Variants in SLC18A1 observed in about 807,000 individuals in gnomAD.
SLC18A1 encodes solute carrier family 18 member A1.
In SLC18A1, 69 loss-of-function variants were observed where a neutral mutation model predicts 53.7. The observed-to-expected ratio is 1.28, with a 90% confidence interval of 1.06 to 1.57. The LOEUF (loss-of-function observed/expected upper bound fraction) is 1.57. SLC18A1 is among the 40% of genes most tolerant of loss of function. The pLI is 0.00. For synonymous variants in SLC18A1, 320 were observed against 248.1 expected (o/e 1.29, Z -2.72); for missense variants, 932 against 668.1 (o/e 1.40, Z -4.35).
rs570502201 is a variant in SLC18A1, at chr8:20,165,893, C to A, written c.859-786G>T. ...GACATCCTGAACACTATGTCCTAAT[C>A]CTTCATGGTGTTTACTACTTTCTAT... On this transcript the variant is annotated intron_variant, in intron 8 of 15. Coordinates refer to ENST00000276373, the MANE Select transcript of SLC18A1 (RefSeq NM_003053.4). Among the ~76,000 whole-genome samples the A allele has an allele frequency of 2.0e-5, 3 of 152,104 alleles. No individual in the cohort carries two copies. The South Asian group carries it at 6.2e-4, about 32-fold the overall frequency.
Position 20,145,602 on chromosome 8 carries a change from G to C in SLC18A1, c.*161C>G, listed in dbSNP as rs1335505005. ...AGGAAGAGCTACAAGTTACACAGGT[G>C]AGAAGAGTATCAGGGACAGTGTCCA... On this transcript the variant is annotated 3_prime_UTR_variant, in exon 16 of 16. Coordinates refer to ENST00000276373, the MANE Select transcript of SLC18A1 (RefSeq NM_003053.4). 2.1e-6 allele frequency: 1 copy of C among 480,318 alleles called. No individual in the cohort carries two copies. The highest frequency in any genetic ancestry group is 2.0e-5 in the African/African-American group (1 of 50,128). 29.8% of individuals were successfully genotyped at this position (480,318 alleles called of 1,614,324 possible).
chr8:20,148,176 G>C, intron 12 of SLC18A1, 106 bp from the exon 13 acceptor site: 1 of 931,118 alleles, frequency 1.1e-6, no homozygotes, highest in Non-Finnish European at 1.7e-6. Context: ...TGCACTATTG[G>C]CCACATACAT....
At chr8:20,179,743 C>G (rs1241886844) in intron 2 of SLC18A1, among the ~76,000 whole-genome samples, 2 of 152,218 alleles carry the variant, frequency 1.3e-5, no homozygotes, top group Admixed American at 1.3e-4. Flanking sequence ...ATCCTATTAG[C>G]TAAAGTAGCT....
intron 10 of SLC18A1, among the ~76,000 whole-genome samples, chr8:20,153,362 G>A (rs773928458): frequency 1.4e-4 from 21 of 152,178 alleles, no homozygotes; most frequent in Non-Finnish European, 2.1e-4. Flanking sequence ...ATGAGCCATT[G>A]AATCCAAGTT....
intron 10 of SLC18A1, among the ~76,000 whole-genome samples, chr8:20,152,365 G>A (rs1011938241): frequency 1.3e-5 from 2 of 152,212 alleles, no homozygotes; most frequent in African/African-American, 4.8e-5. Flanking sequence ...TGGGACAAGA[G>A]TGGAAGTCAG....
intron 4 of SLC18A1, among the ~76,000 whole-genome samples, chr8:20,177,762 C>T (rs912976122): frequency 3.3e-5 from 5 of 152,308 alleles, no homozygotes; most frequent in South Asian, 2.1e-4. Context: ...CCTGCCTTAA[C>T]CTGCTAACGC....
chr8:20,173,446 G>C (rs967271387), intron 5 of SLC18A1, among the ~76,000 whole-genome samples: 5 of 152,084 alleles, frequency 3.3e-5, no homozygotes, highest in African/African-American at 1.2e-4. Context: ...CAAAATGAGG[G>C]GTTACAGAGC....
At chr8:20,179,099 G>A (rs2072337528) in intron 3 of SLC18A1, 22 bp downstream of exon 3, 4 of 1,597,258 alleles carry the variant, frequency 2.5e-6, no homozygotes, top group Non-Finnish European at 3.4e-6. Flanking sequence ...TACCCTGCGG[G>A]GCACTGCACC....
At chr8:20,178,065 C>T (rs1238415115) in intron 4 of SLC18A1, among the ~76,000 whole-genome samples, 4 of 151,404 alleles carry the variant, frequency 2.6e-5, no homozygotes, top group Non-Finnish European at 5.9e-5. Flanking sequence ...AATATCATTG[C>T]TTCTCATAGA....
chr8:20,175,918 T>G (rs1045175448), intron 4 of SLC18A1: 22 of 152,232 alleles, frequency 1.4e-4, no homozygotes, highest in African/African-American at 4.6e-4. Context: ...CAGTCTTTTC[T>G]GTCTACTCTC....
At chr8:20,161,580 C>G (rs1052888224) in intron 10 of SLC18A1, among the ~76,000 whole-genome samples, 1 of 152,142 alleles carries the variant, frequency 6.6e-6, no homozygotes, top group Non-Finnish European at 1.5e-5. Context: ...CCTAGAACCA[C>G]TCTCCTATGC....
At chr8:20,175,810 A>G (rs2072238378) in intron 4 of SLC18A1, 1 of 152,184 alleles carries the variant, frequency 6.6e-6, no homozygotes. Context: ...TTCCCGGCAG[A>G]CATGATCACA....
chr8:20,149,764 G>T, intron 11 of SLC18A1, 37 bp from the exon 12 acceptor site: 2 of 1,605,140 alleles, frequency 1.2e-6, no homozygotes, highest in Non-Finnish European at 8.5e-7. Flanking sequence ...ACCACTAGGG[G>T]AGAGCTCCCC....
intron 11 of SLC18A1, 51 bp downstream of exon 11, chr8:20,150,615 C>G: frequency 3.4e-6 from 5 of 1,469,628 alleles, no homozygotes; most frequent in Non-Finnish European, 3.8e-6. Flanking sequence ...GGAACGGGCG[C>G]TCTTCCATCT....
chr8:20,173,507 G>T (rs1255336471), intron 5 of SLC18A1, among the ~76,000 whole-genome samples: 1 of 152,180 alleles, frequency 6.6e-6, no homozygotes, highest in African/African-American at 2.4e-5. Flanking sequence ...TATTTAACAG[G>T]GGTGCCCAGG....
intron 10 of SLC18A1, among the ~76,000 whole-genome samples, chr8:20,159,072 A>G (rs1038877337): frequency 1.3e-5 from 2 of 152,168 alleles, no homozygotes; most frequent in African/African-American, 4.8e-5. Flanking sequence ...CTGTAAAACT[A>G]TAAATGGTTC....
At chr8:20,178,774 T>C (rs1237535098) in intron 3 of SLC18A1, among the ~76,000 whole-genome samples, 1 of 152,120 alleles carries the variant, frequency 6.6e-6, no homozygotes. Context: ...TAATCGTCAA[T>C]ACAACTCCTG....
chr8:20,145,839 A>G lies in SLC18A1; in HGVS notation c.1502T>C (p.Met501Thr), dbSNP rs764011876. The G allele has an allele frequency of 6.2e-7, 1 of 1,611,872 alleles. No individual in the cohort carries two copies. Among genetic ancestry groups the G allele is most frequent in the South Asian group, 1.1e-5 (1 of 90,460 alleles). ...CTTCGTGGGCTTCTGGGTTGCATAC[A>G]TCCGGGTCTCCATGGGGCAGTCCTG... ...LSQDCPMETRMYATQKPTKEF... is the reference protein window; with the variant it reads ...LSQDCPMETRTYATQKPTKEF... The change falls in exon 16 of 16, where the codon ATG becomes ACG. Residue 501 changes from methionine (M) to threonine (T), a missense_variant. Physicochemically the swap from Met to Thr is moderately conservative, Grantham distance 81. Coordinates refer to ENST00000276373, the MANE Select transcript of SLC18A1 (RefSeq NM_003053.4).
intron 10 of SLC18A1, among the ~76,000 whole-genome samples, chr8:20,163,295 C>T (rs1409174294): frequency 1.3e-5 from 2 of 152,306 alleles, no homozygotes; most frequent in East Asian, 1.9e-4. Flanking sequence ...CTCATCATCT[C>T]TCAAAGGTCC....
Sources: gnomAD v4.1 joint callset for allele counts (sites outside exome capture counted in the v4.1 genomes callset) on GRCh38, gnomAD v4.1.1 for gene constraint, MANE v1.5 for transcripts, NCBI Gene and HGNC (gene_info 2026-07-23, HGNC 2026-07-21) for gene names.